CBFB: variants seen among roughly 807,000 people sequenced by gnomAD.
CBFB encodes the protein core-binding factor subunit beta.
A neutral mutation model predicts 30.4 loss-of-function variants in CBFB; 9 were observed. That is an observed-to-expected ratio of 0.30 (90% CI 0.18 to 0.52). The LOEUF is 0.52. Ranked by LOEUF, CBFB falls within the 20% of genes least tolerant of loss-of-function variation. The pLI is 0.97. For missense variants in CBFB, 170 were observed against 244.0 expected (o/e 0.70, Z 2.02); for synonymous variants, 94 against 84.0 (o/e 1.12, Z -0.65).
intron 4 of CBFB, among the ~76,000 whole-genome samples, chr16:67,077,950 G>A (rs1961448939): frequency 6.6e-6 from 1 of 152,184 alleles, no homozygotes; most frequent in Non-Finnish European, 1.5e-5. Context: ...GCAGGTTGTG[G>A]TATAGACTTT....
At chr16:67,068,868 A>G (rs1961136382) in intron 4 of CBFB, among the ~76,000 whole-genome samples, 5 of 152,202 alleles carry the variant, frequency 3.3e-5, no homozygotes, top group Admixed American at 3.3e-4. Flanking sequence ...TGACTAATTA[A>G]GTAGAGTATA....
chr16:67,098,847 G>T lies in CBFB; in HGVS notation c.*69G>T, dbSNP rs1279543469. 5.5e-6 allele frequency: 5 copies of T among 910,558 alleles called. No individual in the cohort carries two copies. The highest frequency in any genetic ancestry group is 2.7e-5 in the South Asian group (2 of 74,964). The allele number at this position is 910,558 out of a possible 1,614,324, so 56.4% of individuals were successfully genotyped here. ...TTGCTTCTAGTTGGCAGAAATAATT[G>T]ATTAAAAGACCAGAAACTGTGATAA... On this transcript the variant is annotated 3_prime_UTR_variant, in exon 6 of 6. Transcript: ENST00000412916.
chr16:67,047,496 AGGAT>A (rs1317619446), intron 3 of CBFB, among the ~76,000 whole-genome samples: 1 of 152,220 alleles, frequency 6.6e-6, no homozygotes, highest in Non-Finnish European at 1.5e-5. Context: ...TTAAAACAAA[AGGAT>A]GGCCTAGAAA....
chr16:67,064,313 T>TCTC (rs1960994250), intron 3 of CBFB, among the ~76,000 whole-genome samples: 1 of 152,168 alleles, frequency 6.6e-6, no homozygotes, highest in South Asian at 2.1e-4. Flanking sequence ...TTCAAGCGAT[T>TCTC]CTCCTGTCTC....
chr16:67,065,225 T>C (rs1281712834), intron 3 of CBFB, among the ~76,000 whole-genome samples: 2 of 152,204 alleles, frequency 1.3e-5, no homozygotes, highest in African/African-American at 4.8e-5. Flanking sequence ...CTCATGAAGC[T>C]GAAGGTTCAC....
In CBFB at chr16:67,099,252, C is replaced by G. The variant is rs1962147942; in HGVS notation, c.*474C>G. 4.3e-6 allele frequency: 1 copy of G among 230,594 alleles called. No homozygotes were observed. Among genetic ancestry groups the G allele is most frequent in the South Asian group, 1.8e-4 (1 of 5,500 alleles). 14.3% of individuals were successfully genotyped at this position (230,594 alleles called of 1,614,324 possible). ...ATTTTTTGTTTTGTTTGCCCCATTT[C>G]CTTTTGTGTTTTTATAGTCTATAGC... On this transcript the variant is annotated 3_prime_UTR_variant, in exon 6 of 6. Coordinates refer to ENST00000412916, the MANE Select transcript of CBFB (RefSeq NM_022845.3).
At chr16:67,049,983 A>T (rs930722164) in intron 3 of CBFB, among the ~76,000 whole-genome samples, 3 of 151,972 alleles carry the variant, frequency 2.0e-5, no homozygotes, top group African/African-American at 7.2e-5. Flanking sequence ...GTTTCCTGGT[A>T]CAGCCAGGAC....
In CBFB at chr16:67,052,000, C is replaced by G. The variant is rs372865341; in HGVS notation, c.283-14682C>G. 1.6e-4 allele frequency among the ~76,000 whole-genome samples: 25 copies of G among 151,976 alleles called. 1 individual carries two copies. The East Asian group carries it at 1.9e-3, about 12-fold the overall frequency. On this transcript the variant is annotated intron_variant, in intron 3 of 5. Transcript: ENST00000412916. ...ATATATATTTTGAGACAAGTTCTGG[C>G]TCTGTCACCCAAGCTGGAGTGCCGT... is the stretch of plus-strand genomic sequence containing the variant.
At position 67,077,425 on chromosome 16, in the gene CBFB, G is replaced by A. The variant is rs1018915516; in HGVS notation, c.400-4788G>A. Among the ~76,000 whole-genome samples, 3 of 152,194 alleles carry A rather than the reference G, an allele frequency of 2.0e-5. No individual in the cohort carries two copies. In the East Asian group the frequency reaches 5.8e-4, roughly 29 times the overall value. On this transcript the variant is annotated intron_variant, in intron 4 of 5. Transcript: ENST00000412916. ...TTTTTACATATGCACAAAAACGTGG[G>A]TGAAATTAATTTGGAAGAGTCATTT...
chr16:67,058,872 T>G (rs1008472099), intron 3 of CBFB, among the ~76,000 whole-genome samples: 1 of 152,226 alleles, frequency 6.6e-6, no homozygotes, highest in Admixed American at 6.5e-5. Context: ...GAAAGGGATT[T>G]TTTGATAGTG....
At chr16:67,036,530 C>A in intron 2 of CBFB, 109 bp from the exon 3 acceptor site, 1 of 664,592 alleles carries the variant, frequency 1.5e-6, no homozygotes, top group Non-Finnish European at 2.8e-6. Context: ...TTTAAGTATT[C>A]TCTGTGCTGC....
At chr16:67,067,930 T>C (rs1419134908) in intron 4 of CBFB, among the ~76,000 whole-genome samples, 1 of 152,150 alleles carries the variant, frequency 6.6e-6, no homozygotes, top group East Asian at 1.9e-4. Context: ...TCCAGAAAGC[T>C]GTGTGCATGT....
chr16:67,031,755 C>G (rs1966354184), intron 2 of CBFB, among the ~76,000 whole-genome samples: 1 of 152,010 alleles, frequency 6.6e-6, no homozygotes, highest in African/African-American at 2.4e-5. Context: ...TTAAGTAATC[C>G]TCCCACCTCG....
chr16:67,071,852 A>T (rs1961230922), intron 4 of CBFB, among the ~76,000 whole-genome samples: 3 of 152,044 alleles, frequency 2.0e-5, no homozygotes, highest in African/African-American at 7.2e-5. Flanking sequence ...TCTTCTCCAG[A>T]TGTCTGTCTT....
intron 3 of CBFB, among the ~76,000 whole-genome samples, chr16:67,050,143 G>GAT (rs1232121899): frequency 1.2e-4 from 18 of 147,706 alleles, no homozygotes; most frequent in East Asian, 3.9e-4. Context: ...TTACTCTACT[G>GAT]ATATATATAT....
At chr16:67,065,352 G>C (rs1469457156) in intron 3 of CBFB, among the ~76,000 whole-genome samples, 1 of 152,176 alleles carries the variant, frequency 6.6e-6, no homozygotes, top group African/African-American at 2.4e-5. Context: ...TCAGTGACTT[G>C]AGATGTTACC....
chr16:67,090,749 C>A (rs759877901), intron 5 of CBFB, among the ~76,000 whole-genome samples: 35 of 152,128 alleles, frequency 2.3e-4, no homozygotes, highest in Non-Finnish European at 4.7e-4. Context: ...AAATGGTTGT[C>A]TTTAATGTCA....
At chr16:67,063,148 T>C (rs1960957922) in intron 3 of CBFB, among the ~76,000 whole-genome samples, 1 of 152,178 alleles carries the variant, frequency 6.6e-6, no homozygotes, top group African/African-American at 2.4e-5. Context: ...GAGGTCGGCA[T>C]AGTCACTTGT....
chr16:67,076,724 T>C (rs1327301322), intron 4 of CBFB, among the ~76,000 whole-genome samples: 2 of 152,186 alleles, frequency 1.3e-5, no homozygotes, highest in African/African-American at 2.4e-5. Context: ...TTGAAAAATA[T>C]GAAGATTTTG....
Sources: gnomAD v4.1 joint callset for allele counts (sites outside exome capture counted in the v4.1 genomes callset) on GRCh38, gnomAD v4.1.1 for gene constraint, MANE v1.5 for transcripts, NCBI Gene and HGNC (gene_info 2026-07-23, HGNC 2026-07-21) for gene names.